The following ZHX3 variants were observed in gnomAD, a reference collection of about 807,000 sequenced individuals.
ZHX3 encodes zinc fingers and homeoboxes 3.
In ZHX3, 20 loss-of-function variants were observed where a neutral mutation model predicts 64.5. The ratio of observed to expected loss-of-function variants is 0.31; its 90% CI spans 0.22 to 0.45. The LOEUF (loss-of-function observed/expected upper bound fraction) is 0.45. Among genes scored for constraint, ZHX3 ranks in the 20% least tolerant of loss-of-function variants. ZHX3 has a pLI of 1.00. For missense variants in ZHX3, 1,041 were observed against 1,195.8 expected (o/e 0.87, Z 1.91); for synonymous variants, 423 against 461.6 (o/e 0.92, Z 1.07).
At chr20:41,257,039 C>A (rs1453447103) in intron 2 of ZHX3, among the ~76,000 whole-genome samples, 1 of 152,060 alleles carries the variant, frequency 6.6e-6, no homozygotes, top group Non-Finnish European at 1.5e-5. Context: ...AAACCTCTAG[C>A]TTTTAAGATT....
chr20:41,277,456 T>C (rs1217012685), intron 1 of ZHX3, among the ~76,000 whole-genome samples: 1 of 152,190 alleles, frequency 6.6e-6, no homozygotes, highest in Admixed American at 6.5e-5. Context: ...TTTGATACAC[T>C]CAAATATACC....
Position 41,185,377 on chromosome 20 carries a change from G to A in ZHX3, c.2861-176C>T, listed in dbSNP as rs1315542545. Among the ~76,000 whole-genome samples the A allele has an allele frequency of 6.6e-6, 1 of 151,650 alleles. No individual in the cohort carries two copies. Among genetic ancestry groups the A allele is most frequent in the African/African-American group, 2.4e-5 (1 of 41,036 alleles). On this transcript the variant is annotated intron_variant, in intron 3 of 3. Coordinates refer to ENST00000683867, the MANE Select transcript of ZHX3 (RefSeq NM_001384317.1). This position sits in a 1 kb window ranked among gnomAD's most constrained non-coding sequence, Gnocchi z 5.0. ...CCACCCTCCAGCCTGAGGGAATGTG[G>A]GTTAAGGACAGGATGCTGGCTCAAC...
intron 2 of ZHX3, among the ~76,000 whole-genome samples, chr20:41,209,717 T>C (rs2039010465): frequency 6.6e-6 from 1 of 152,176 alleles, no homozygotes; most frequent in Non-Finnish European, 1.5e-5. Flanking sequence ...AAGACTTAAA[T>C]GTTAGACCTA....
chr20:41,292,257 C>T (rs889617866), intron 1 of ZHX3, among the ~76,000 whole-genome samples: 1 of 152,118 alleles, frequency 6.6e-6, no homozygotes, highest in South Asian at 2.1e-4. Flanking sequence ...TAGGAAGACA[C>T]TGTCTCTAAT....
At chr20:41,262,700 T>C (rs2042623957) in intron 2 of ZHX3, among the ~76,000 whole-genome samples, 1 of 152,214 alleles carries the variant, frequency 6.6e-6, no homozygotes, top group Non-Finnish European at 1.5e-5. Flanking sequence ...CAGGATCTGT[T>C]GGCTCAGAGT....
Position 41,260,005 on chromosome 20 carries a change from G to A in ZHX3, c.-151+8985C>T, listed in dbSNP as rs201385271. On this transcript the variant is annotated intron_variant, in intron 2 of 3. Coordinates refer to ENST00000683867, the MANE Select transcript of ZHX3 (RefSeq NM_001384317.1). ...ATAAGAATTTTGCCCAGAATGGAAT[G>A]ATAGTTCAAGATACACATGACACAA... Among the ~76,000 whole-genome samples, 19 of 152,210 alleles carry A rather than the reference G, an allele frequency of 1.2e-4. No individual in the cohort carries two copies. In the East Asian group the frequency reaches 3.1e-3, roughly 25 times the overall value.
chr20:41,211,755 T>G (rs2039174141), intron 2 of ZHX3, among the ~76,000 whole-genome samples: 1 of 152,216 alleles, frequency 6.6e-6, no homozygotes, highest in Admixed American at 6.5e-5. Context: ...TGGGTGACAG[T>G]GAAACAAACA....
chr20:41,215,397 C>T (rs2039447159), intron 2 of ZHX3, among the ~76,000 whole-genome samples: 1 of 152,046 alleles, frequency 6.6e-6, no homozygotes, highest in African/African-American at 2.4e-5. Flanking sequence ...TAGTTAATAG[C>T]CACTATATTT....
At chr20:41,220,179 G>T (rs1471268129) in intron 2 of ZHX3, among the ~76,000 whole-genome samples, 1 of 152,228 alleles carries the variant, frequency 6.6e-6, no homozygotes, top group Non-Finnish European at 1.5e-5. Context: ...CATAGGAAAA[G>T]ACTTTCTACC....
chr20:41,235,145 A>G (rs1311122731), intron 2 of ZHX3, among the ~76,000 whole-genome samples: 3 of 151,480 alleles, frequency 2.0e-5, no homozygotes, highest in African/African-American at 7.3e-5. Context: ...ATGTGCACAC[A>G]TGGCTGGGAG....
intron 1 of ZHX3, among the ~76,000 whole-genome samples, chr20:41,307,444 T>C (rs1164119777): frequency 6.6e-6 from 1 of 152,244 alleles, no homozygotes; most frequent in African/African-American, 2.4e-5. Flanking sequence ...ATTATCATTC[T>C]GGTTTTCTAT....
Position 41,278,595 on chromosome 20 carries a change from A to G in ZHX3, c.-244-9512T>C, listed in dbSNP as rs903239272. 8.5e-5 allele frequency among the ~76,000 whole-genome samples: 12 copies of G among 141,188 alleles called. 1 individual carries two copies. The highest frequency in any genetic ancestry group is 8.5e-4 in the Admixed American group (12 of 14,128). 92.6% of individuals were successfully genotyped at this position (141,188 alleles called of 152,430 possible). Reference sequence around the variant, plus strand: ...CTTTTCATGTGATTAGCGGCCATTCATATTTCTTTGTGGAACAGCTTGGCA... The same window carrying G: ...CTTTTCATGTGATTAGCGGCCATTCGTATTTCTTTGTGGAACAGCTTGGCA... On this transcript the variant is annotated intron_variant, in intron 1 of 3. Transcript: ENST00000683867.
At chr20:41,315,251 T>C (rs1315447545) in intron 1 of ZHX3, among the ~76,000 whole-genome samples, 2 of 151,706 alleles carry the variant, frequency 1.3e-5, no homozygotes, top group Non-Finnish European at 2.9e-5. Flanking sequence ...GGTGTGATCT[T>C]GGCTCAATGC....
chr20:41,274,490 A>G (rs1383051242), intron 1 of ZHX3, among the ~76,000 whole-genome samples: 1 of 152,212 alleles, frequency 6.6e-6, no homozygotes, highest in Admixed American at 6.5e-5. Context: ...AGGGTTTTAC[A>G]AGTCTTTAAA....
intron 2 of ZHX3, among the ~76,000 whole-genome samples, chr20:41,209,283 C>T (rs987357782): frequency 3.9e-5 from 6 of 152,126 alleles, no homozygotes; most frequent in African/African-American, 1.4e-4. Context: ...TTTATAGATT[C>T]AATGCCATCC....
intron 3 of ZHX3, among the ~76,000 whole-genome samples, chr20:41,186,973 C>T (rs992327021): frequency 2.0e-5 from 3 of 152,174 alleles, no homozygotes; most frequent in Middle Eastern, 6.8e-3. Context: ...TAGATTTTGA[C>T]GTAATCCAAA....
At position 41,185,852 on chromosome 20, in the gene ZHX3, T is replaced by A. The variant is rs1364755657; in HGVS notation, c.2861-651A>T. Reference sequence around the variant, plus strand: ...CAGAAGAGAACAATGCCAATGGCAATGGCCACCCCCTGCCATTCCTGCTCT... The same window carrying A: ...CAGAAGAGAACAATGCCAATGGCAAAGGCCACCCCCTGCCATTCCTGCTCT... On this transcript the variant is annotated intron_variant, in intron 3 of 3. Coordinates refer to ENST00000683867, the MANE Select transcript of ZHX3 (RefSeq NM_001384317.1). The surrounding 1 kb of genome is among the most constrained non-coding windows in gnomAD (Gnocchi z 5.0). 6.6e-6 allele frequency: 1 copy of A among 152,292 alleles called. No homozygotes were observed. Among genetic ancestry groups the A allele is most frequent in the Non-Finnish European group, 1.5e-5 (1 of 68,128 alleles). 9.4% of individuals were successfully genotyped at this position (152,292 alleles called of 1,614,324 possible).
Position 41,226,648 on chromosome 20 carries a change from GTCA to G in ZHX3, c.-150-21585_-150-21583del, listed in dbSNP as rs1438835320. On this transcript the variant is annotated intron_variant, in intron 2 of 3. Transcript: ENST00000683867. The surrounding 1 kb of genome is among the most constrained non-coding windows in gnomAD (Gnocchi z 4.4). ...ATTCGTCTTTACCTTTTTTGATCCT[GTCA>G]TCAAATTATCTTCCTCTCAAGCTCA... Among the ~76,000 whole-genome samples the G allele has an allele frequency of 3.9e-5, 6 of 152,196 alleles. No individual in the cohort carries two copies. Among genetic ancestry groups the G allele is most frequent in the African/African-American group, 1.4e-4 (6 of 41,534 alleles).
At chr20:41,235,964 C>T (rs571517048) in intron 2 of ZHX3, among the ~76,000 whole-genome samples, 1,547 of 152,142 alleles carry the variant, frequency 0.01, 22 homozygotes, top group African/African-American at 0.035. Context: ...ACAAGCATTC[C>T]GATACACCAA....
Sources: allele counts gnomAD v4.1 joint callset (sites outside exome capture counted in the v4.1 genomes callset), GRCh38; gene constraint gnomAD v4.1.1; non-coding constraint Gnocchi (gnomAD v3.1); transcripts MANE v1.5; gene names NCBI Gene and HGNC (gene_info 2026-07-23, HGNC 2026-07-21).